Variants in CAMTA1 observed in about 807,000 individuals in gnomAD.
The protein encoded by CAMTA1 is calmodulin binding transcription activator 1.
In CAMTA1, 27 loss-of-function variants were observed where a neutral mutation model predicts 170.9. That is an observed-to-expected ratio of 0.16 (90% CI 0.12 to 0.22). The LOEUF is 0.22. Ranked by LOEUF, CAMTA1 falls within the 10% of genes least tolerant of loss-of-function variation. The probability of loss-of-function intolerance (pLI) is 1.00; values close to 1 mark genes in which losing one functional copy is unlikely to be tolerated. For missense variants in CAMTA1, 1,619 were observed against 2,217.2 expected (o/e 0.73, Z 5.42); for synonymous variants, 833 against 891.5 (o/e 0.93, Z 1.17).
intron 4 of CAMTA1, among the ~76,000 whole-genome samples, chr1:7,186,785 G>A (rs908329823): frequency 6.6e-5 from 10 of 152,170 alleles, no homozygotes; most frequent in African/African-American, 1.9e-4. Context: ...CCAGGTCCAC[G>A]GAGAATGAAT....
chr1:7,618,166 T>C (rs1368412286), intron 6 of CAMTA1, among the ~76,000 whole-genome samples: 1 of 152,196 alleles, frequency 6.6e-6, no homozygotes, highest in Non-Finnish European at 1.5e-5. Flanking sequence ...ACATCATCTG[T>C]CTTCTTCACC....
chr1:6,972,919 T>C (rs560385815), intron 3 of CAMTA1, among the ~76,000 whole-genome samples: 2 of 152,278 alleles, frequency 1.3e-5, no homozygotes, highest in African/African-American at 4.8e-5. Flanking sequence ...CGGTGTGATC[T>C]TGGCTCACGG....
chr1:7,499,117 A>G (rs1206675204), intron 6 of CAMTA1, among the ~76,000 whole-genome samples: 6 of 130,246 alleles, frequency 4.6e-5, no homozygotes, highest in Admixed American at 1.6e-4. Context: ...GTGTGTAGAG[A>G]GGATGGTGTG....
intron 4 of CAMTA1, among the ~76,000 whole-genome samples, chr1:7,151,451 C>T (rs536326390): frequency 1.3e-5 from 2 of 152,314 alleles, no homozygotes; most frequent in African/African-American, 4.8e-5. Flanking sequence ...CCCCTGGTGA[C>T]CCCACCAGCT....
At chr1:7,527,167 A>G (rs2094441212) in intron 6 of CAMTA1, among the ~76,000 whole-genome samples, 1 of 152,150 alleles carries the variant, frequency 6.6e-6, no homozygotes, top group African/African-American at 2.4e-5. Flanking sequence ...TCAGCTTTAT[A>G]TCTGATGATC....
At chr1:7,420,128 AC>A (rs1455872553) in intron 5 of CAMTA1, among the ~76,000 whole-genome samples, 1 of 151,836 alleles carries the variant, frequency 6.6e-6, no homozygotes, top group Non-Finnish European at 1.5e-5. Context: ...GGGCCCGCAC[AC>A]CCTCCTGAAC....
chr1:6,979,063 G>C (rs1693971189), intron 3 of CAMTA1, among the ~76,000 whole-genome samples: 1 of 152,208 alleles, frequency 6.6e-6, no homozygotes. Flanking sequence ...GTGAGGTTCA[G>C]TACCCCTTAG....
intron 4 of CAMTA1, among the ~76,000 whole-genome samples, chr1:7,229,726 G>A (rs1662374322): frequency 6.6e-6 from 1 of 151,970 alleles, no homozygotes; most frequent in African/African-American, 2.4e-5. Context: ...CGGGGGTTGG[G>A]CCTCAGCGTC....
In CAMTA1 at chr1:7,286,943, G is replaced by A. The variant is rs1230004243; in HGVS notation, c.438+37317G>A. Among the ~76,000 whole-genome samples the A allele has an allele frequency of 1.3e-5, 2 of 152,216 alleles. No individual in the cohort carries two copies. The highest frequency in any genetic ancestry group is 4.8e-5 in the African/African-American group (2 of 41,460). Reference sequence around the variant, plus strand: ...CCATCGACTTGACACTCAGTAAACAGAAGCTGGAGCTACTCTTACCTCTAT... The same window carrying A: ...CCATCGACTTGACACTCAGTAAACAAAAGCTGGAGCTACTCTTACCTCTAT... On this transcript the variant is annotated intron_variant, in intron 5 of 22. Transcript: ENST00000303635. The surrounding 1 kb of genome is among the most constrained non-coding windows in gnomAD (Gnocchi z 4.2).
chr1:7,525,479 T>A (rs961585203), intron 6 of CAMTA1, among the ~76,000 whole-genome samples: 1 of 152,108 alleles, frequency 6.6e-6, no homozygotes, highest in African/African-American at 2.4e-5. Context: ...AATTTCTTTA[T>A]ATGCAAATCT....
At chr1:7,199,092 C>T (rs1348639555) in intron 4 of CAMTA1, among the ~76,000 whole-genome samples, 7 of 152,156 alleles carry the variant, frequency 4.6e-5, no homozygotes, top group African/African-American at 7.2e-5. Flanking sequence ...TGGAGGTTTG[C>T]GCGGCACGTG....
At chr1:7,457,438 G>T (rs2092984428) in intron 5 of CAMTA1, among the ~76,000 whole-genome samples, 1 of 151,962 alleles carries the variant, frequency 6.6e-6, no homozygotes, top group African/African-American at 2.4e-5. Context: ...AGGTGGGTGG[G>T]GGCAGAGGCA....
intron 5 of CAMTA1, among the ~76,000 whole-genome samples, chr1:7,430,086 A>G (rs549470594): frequency 1.0e-3 from 152 of 152,282 alleles, no homozygotes; most frequent in South Asian, 2.5e-3. Context: ...AAAGGTGGCA[A>G]ATCTGCTGCT....
intron 4 of CAMTA1, among the ~76,000 whole-genome samples, chr1:7,217,546 T>A (rs570779338): frequency 1.1e-3 from 173 of 152,196 alleles, no homozygotes; most frequent in Non-Finnish European, 1.9e-3. Flanking sequence ...ATATCTTATA[T>A]AATAAATGCA....
At chr1:7,230,447 C>A (rs1159434599) in intron 4 of CAMTA1, among the ~76,000 whole-genome samples, 6 of 114,794 alleles carry the variant, frequency 5.2e-5, no homozygotes, top group African/African-American at 1.4e-4. Flanking sequence ...CCCCCCCCGC[C>A]CCGCAAAGCT....
chr1:7,100,131 G>T (rs1642548519), intron 4 of CAMTA1, among the ~76,000 whole-genome samples: 2 of 152,140 alleles, frequency 1.3e-5, no homozygotes, highest in Non-Finnish European at 2.9e-5. Flanking sequence ...CTAGGGGCTT[G>T]GCAGGCGGGT....
chr1:7,162,360 TAC>T (rs1647380843), intron 4 of CAMTA1, among the ~76,000 whole-genome samples: 1 of 152,186 alleles, frequency 6.6e-6, no homozygotes, highest in Non-Finnish European at 1.5e-5. Flanking sequence ...TTAATATATT[TAC>T]AGAGTTGTGC....
Position 7,751,072 on chromosome 1 carries a change from C to T in CAMTA1, c.4690-127C>T, listed in dbSNP as rs149117990. 27 of 808,668 alleles carry T rather than the reference C, an allele frequency of 3.3e-5. 1 individual carries two copies. The highest frequency in any genetic ancestry group is 8.6e-5 in the African/African-American group (5 of 58,316). 50.1% of individuals were successfully genotyped at this position (808,668 alleles called of 1,614,324 possible). A position where few individuals can be genotyped will look rare whatever the true frequency, so the allele number is the denominator to read the frequency against. ...ATTTGCCTCTTTTGTGATTAAACCC[C>T]GGACAGAGAATGTGATAATAGAGGG... On this transcript the variant is annotated intron_variant, in intron 19 of 22. Transcript: ENST00000303635.
chr1:7,668,465 C>T lies in CAMTA1; in HGVS notation c.2653-2446C>T, dbSNP rs115355601. Among the ~76,000 whole-genome samples, 1,107 of 151,910 alleles carry T rather than the reference C, an allele frequency of 7.3e-3. 6 individuals are homozygous for T. The highest frequency in any genetic ancestry group is 0.017 in the Middle Eastern group (5 of 292). On this transcript the variant is annotated intron_variant, in intron 9 of 22. Coordinates refer to ENST00000303635, the MANE Select transcript of CAMTA1 (RefSeq NM_015215.4). Reference sequence around the variant, plus strand: ...ACACCCCAGAGGCGTCCCCCTATGCCCCAGCATCTGCCCTGGCTGCATCAG... The same window carrying T: ...ACACCCCAGAGGCGTCCCCCTATGCTCCAGCATCTGCCCTGGCTGCATCAG...
Sources: allele counts gnomAD v4.1 joint callset (sites outside exome capture counted in the v4.1 genomes callset), GRCh38; gene constraint gnomAD v4.1.1; non-coding constraint Gnocchi (gnomAD v3.1); transcripts MANE v1.5; gene names NCBI Gene and HGNC (gene_info 2026-07-23, HGNC 2026-07-21).